The following CPS1 variants were observed in gnomAD, a reference collection of about 807,000 sequenced individuals.
CPS1 encodes carbamoyl-phosphate synthase 1.
A neutral mutation model predicts 174.6 loss-of-function variants in CPS1; 109 were observed. The observed-to-expected ratio is 0.62, with a 90% CI of 0.53 to 0.73. The LOEUF (loss-of-function observed/expected upper bound fraction) is 0.73, where lower values mean the gene tolerates loss of function less well. Ranked by LOEUF, CPS1 falls within the 30% of genes least tolerant of loss-of-function variation. The pLI is 0.00. For synonymous variants in CPS1, 637 were observed against 632.0 expected (o/e 1.01, Z -0.12); for missense variants, 1,689 against 1,821.9 (o/e 0.93, Z 1.33).
chr2:210,615,599 T>C lies in CPS1; in HGVS notation c.2569-824T>C, dbSNP rs1488288199. On this transcript the variant is annotated intron_variant, in intron 20 of 37. Coordinates refer to ENST00000233072, the MANE Select transcript of CPS1 (RefSeq NM_001875.5). ...TTCACAGGGTATATACACGTACACA[T>C]ACACACATACAAGAATAAGAGTAGA... 2.6e-5 allele frequency among the ~76,000 whole-genome samples: 4 copies of C among 151,820 alleles called. No homozygotes were observed. In the East Asian group the frequency reaches 7.8e-4, roughly 29 times the overall value.
chr2:210,497,137 C>T (rs1695009856), intron 1 of CPS1, among the ~76,000 whole-genome samples: 2 of 152,160 alleles, frequency 1.3e-5, no homozygotes, highest in South Asian at 4.1e-4. Context: ...ACTATTTGGT[C>T]ATCATTACAT....
At chr2:210,518,422 G>A (rs954945085) in intron 1 of CPS1, among the ~76,000 whole-genome samples, 2 of 152,036 alleles carry the variant, frequency 1.3e-5, no homozygotes, top group African/African-American at 4.8e-5. Flanking sequence ...CATTCTTGTA[G>A]ATAGATGTGG....
At chr2:210,584,265 C>G (rs1180533705) in intron 6 of CPS1, among the ~76,000 whole-genome samples, 1 of 152,072 alleles carries the variant, frequency 6.6e-6, no homozygotes, top group Non-Finnish European at 1.5e-5. Flanking sequence ...GGCATCACAG[C>G]TATTGGCTGG....
chr2:210,664,369 C>T (rs979093920), intron 33 of CPS1, among the ~76,000 whole-genome samples: 11 of 151,398 alleles, frequency 7.3e-5, no homozygotes, highest in Admixed American at 3.3e-4. Flanking sequence ...GAGTTTTGCT[C>T]GCTCTTGTTG....
At chr2:210,639,900 A>G (rs1487412721) in intron 23 of CPS1, 96 bp from the exon 24 acceptor site, 1 of 877,086 alleles carries the variant, frequency 1.1e-6, no homozygotes, top group East Asian at 2.4e-5. Context: ...CAAGAGGAAG[A>G]TGAGAAATAC....
intron 1 of CPS1, among the ~76,000 whole-genome samples, chr2:210,493,803 A>C (rs1236577837): frequency 6.6e-6 from 1 of 152,162 alleles, no homozygotes; most frequent in Non-Finnish European, 1.5e-5. Context: ...GCAAGCAAAT[A>C]CTCCAAGTTG....
At position 210,605,453 on chromosome 2, in the gene CPS1, G is replaced by A. The variant is rs115202245; in HGVS notation, c.1981+207G>A. Among the ~76,000 whole-genome samples, 2,418 of 151,934 alleles carry A rather than the reference G, an allele frequency of 0.016. 59 individuals carry two copies. The highest frequency in any genetic ancestry group is 0.055 in the African/African-American group (2,267 of 41,482). On this transcript the variant is annotated intron_variant, in intron 17 of 37. Transcript: ENST00000233072. ...TCACACAAACCCTGTGAAGTAAGGC[G>A]GATATTACACTGAGTTAATTGAGGA...
intron 1 of CPS1, among the ~76,000 whole-genome samples, chr2:210,514,840 G>A (rs1695633901): frequency 6.8e-6 from 1 of 146,598 alleles, no homozygotes; most frequent in South Asian, 2.1e-4. Context: ...TGTCATAGAT[G>A]ACTCTTCTTA....
At chr2:210,570,347 A>G (rs932818223) in intron 1 of CPS1, among the ~76,000 whole-genome samples, 2 of 152,004 alleles carry the variant, frequency 1.3e-5, no homozygotes, top group East Asian at 1.9e-4. Context: ...GATGGAAAGC[A>G]AAATAGAAAA....
intron 21 of CPS1, among the ~76,000 whole-genome samples, chr2:210,621,394 A>G (rs1251764924): frequency 6.6e-6 from 1 of 152,144 alleles, no homozygotes; most frequent in African/African-American, 2.4e-5. Context: ...GTTTGAGGAA[A>G]ATGAAGTCTA....
At chr2:210,569,274 G>A (rs977539900) in intron 1 of CPS1, among the ~76,000 whole-genome samples, 4 of 152,032 alleles carry the variant, frequency 2.6e-5, no homozygotes, top group Admixed American at 1.3e-4. Flanking sequence ...GAGAAAGAGG[G>A]CTGGGGAACA....
chr2:210,636,664 T>G (rs541872551), intron 21 of CPS1, among the ~76,000 whole-genome samples: 1 of 152,142 alleles, frequency 6.6e-6, no homozygotes, highest in East Asian at 1.9e-4. Flanking sequence ...TGTATGATTC[T>G]ATGTCCATCG....
At chr2:210,652,055 G>A (rs1700575902) in intron 28 of CPS1, among the ~76,000 whole-genome samples, 1 of 152,150 alleles carries the variant, frequency 6.6e-6, no homozygotes, top group Non-Finnish European at 1.5e-5. Context: ...CCTGAGGAAG[G>A]GACTTTTAAA....
intron 20 of CPS1, 71 bp from the exon 21 acceptor site, chr2:210,616,352 A>C (rs552969530): frequency 1.0e-6 from 1 of 1,002,646 alleles, no homozygotes; most frequent in South Asian, 1.3e-5. Context: ...CATGACTGCT[A>C]TGTATTTTAA....
chr2:210,548,179 T>G (rs970428917), intron 1 of CPS1, among the ~76,000 whole-genome samples: 2 of 152,006 alleles, frequency 1.3e-5, no homozygotes, highest in African/African-American at 4.8e-5. Context: ...TAATACTTTT[T>G]CTATTGTGTA....
chr2:210,637,762 G>T lies in CPS1; in HGVS notation c.2748G>T (p.Gln916His), dbSNP rs758815468. 13 of 1,613,886 alleles carry T rather than the reference G, an allele frequency of 8.1e-6. No individual in the cohort carries two copies. The highest frequency in any genetic ancestry group is 2.7e-5 in the African/African-American group (2 of 74,922). Reference sequence around the variant, plus strand: ...AGGAGATTGGGTTCTCAGATAAGCAGATTTCAAAATGCCTTGGGCTCACTG... The same window carrying T: ...AGGAGATTGGGTTCTCAGATAAGCATATTTCAAAATGCCTTGGGCTCACTG... ...RAKEIGFSDK[Q>H]ISKCLGLTEA... Residue 916 changes from glutamine to histidine, a missense_variant, in exon 22 of 38, where the codon CAG (glutamine) becomes CAT (histidine). Coordinates refer to ENST00000233072, the MANE Select transcript of CPS1 (RefSeq NM_001875.5).
intron 28 of CPS1, among the ~76,000 whole-genome samples, chr2:210,651,887 G>A (rs539566955): frequency 1.5e-4 from 23 of 152,272 alleles, no homozygotes; most frequent in South Asian, 6.2e-4. Flanking sequence ...AATTGTAATC[G>A]TGAAAAGAAA....
At chr2:210,615,124 CTGTA>C (rs1320241858) in intron 20 of CPS1, among the ~76,000 whole-genome samples, 1 of 151,962 alleles carries the variant, frequency 6.6e-6, no homozygotes, top group Non-Finnish European at 1.5e-5. Flanking sequence ...CCCTCCCTCA[CTGTA>C]TGTGCTTGTG....
At chr2:210,524,904 A>G (rs1695933261) in intron 1 of CPS1, among the ~76,000 whole-genome samples, 1 of 151,952 alleles carries the variant, frequency 6.6e-6, no homozygotes, top group Non-Finnish European at 1.5e-5. Context: ...GTTGCTTGGA[A>G]TCCAGTAGTC....
Sources: allele counts gnomAD v4.1 joint callset (sites outside exome capture counted in the v4.1 genomes callset), GRCh38; gene constraint gnomAD v4.1.1; transcripts MANE v1.5; gene names NCBI Gene and HGNC (gene_info 2026-07-23, HGNC 2026-07-21).